BAG4: variants seen among roughly 807,000 people sequenced by gnomAD.
The protein encoded by BAG4 is BAG family molecular chaperone regulator 4.
BAG4 carries 28 observed loss-of-function variants against 52.1 expected under a neutral mutation model. That is an observed-to-expected ratio of 0.54 (90% CI 0.40 to 0.74). BAG4 has a LOEUF of 0.74. Ranked by LOEUF, BAG4 falls within the 30% of genes least tolerant of loss-of-function variation. The pLI is 0.00. For missense variants in BAG4, 525 were observed against 572.0 expected (o/e 0.92, Z 0.84); for synonymous variants, 208 against 217.0 (o/e 0.96, Z 0.37).
At chr8:38,182,371 C>A (rs1459288147) in intron 1 of BAG4, among the ~76,000 whole-genome samples, 1 of 152,044 alleles carries the variant, frequency 6.6e-6, no homozygotes, top group African/African-American at 2.4e-5. Flanking sequence ...TTTGCTTGGA[C>A]TGGGGTTTCA....
At chr8:38,200,466 G>T (rs1041050072) in intron 2 of BAG4, among the ~76,000 whole-genome samples, 6 of 152,172 alleles carry the variant, frequency 3.9e-5, no homozygotes, top group African/African-American at 7.2e-5. Context: ...TCTCTCCAAA[G>T]AGATGGACTC....
At chr8:38,185,044 G>A (rs950726147) in intron 1 of BAG4, among the ~76,000 whole-genome samples, 29 of 149,436 alleles carry the variant, frequency 1.9e-4, no homozygotes, top group Non-Finnish European at 3.8e-4. Context: ...AGCCGAGATC[G>A]CACCACTGCA....
intron 2 of BAG4, among the ~76,000 whole-genome samples, chr8:38,195,359 A>G (rs1803546622): frequency 6.6e-6 from 1 of 151,928 alleles, no homozygotes. Flanking sequence ...TCGCCATGTT[A>G]CCCAAGCTGG....
chr8:38,190,685 C>A (rs1037374621), intron 1 of BAG4, among the ~76,000 whole-genome samples: 12 of 151,188 alleles, frequency 7.9e-5, no homozygotes, highest in Admixed American at 7.9e-4. Flanking sequence ...CCCAAGCAAT[C>A]CTCTTGCCTC....
intron 2 of BAG4, among the ~76,000 whole-genome samples, chr8:38,206,405 G>C (rs968140430): frequency 6.6e-6 from 1 of 152,084 alleles, no homozygotes; most frequent in South Asian, 2.1e-4. Flanking sequence ...GTGTGGATAA[G>C]AGTCTGAATA....
At chr8:38,200,198 G>A (rs1315073964) in intron 2 of BAG4, among the ~76,000 whole-genome samples, 2 of 151,700 alleles carry the variant, frequency 1.3e-5, no homozygotes, top group Non-Finnish European at 2.9e-5. Flanking sequence ...GTAGAGACAG[G>A]GTTTTACCAT....
intron 2 of BAG4, 63 bp downstream of exon 2, chr8:38,192,858 C>G (rs1803498818): frequency 2.3e-6 from 3 of 1,326,286 alleles, no homozygotes; most frequent in South Asian, 1.3e-5. Flanking sequence ...TTTTCAAAAC[C>G]TGTGCAGATT....
At chr8:38,180,522 C>CAAAAAAAAAAAAAAAAAAAAAAAAAAA (rs1161178024) in intron 1 of BAG4, among the ~76,000 whole-genome samples, 3 of 26,492 alleles carry the variant, frequency 1.1e-4, no homozygotes, top group East Asian at 1.1e-3. Flanking sequence ...GACTCCGTCT[C>CAAAAAAAAAAAAAAAAAAAAAAAAAAA]AAAAAAAAAA....
In BAG4 at chr8:38,177,154, C is replaced by T; in HGVS notation, c.270+15C>T. ...GAAGCCACCAGGTAAGCTTTGCACCCTCTGTCCTTGCGGGGAGGTGAGGGC... is the reference window on the plus strand; with the variant it reads ...GAAGCCACCAGGTAAGCTTTGCACCTTCTGTCCTTGCGGGGAGGTGAGGGC... On this transcript the variant is annotated intron_variant, in intron 1 of 4. Coordinates refer to ENST00000287322, the MANE Select transcript of BAG4 (RefSeq NM_004874.4). 1.2e-6 allele frequency: 2 copies of T among 1,609,934 alleles called. No individual in the cohort carries two copies. The highest frequency in any genetic ancestry group is 1.1e-5 in the South Asian group (1 of 90,688).
intron 4 of BAG4, 158 bp downstream of exon 4, chr8:38,209,425 C>CTTTTTTT: frequency 2.2e-6 from 2 of 922,530 alleles, no homozygotes; most frequent in Non-Finnish European, 3.1e-6. Context: ...TTTCCTTTTT[C>CTTTTTTT]TTTTTTTTAA....
At chr8:38,196,382 G>A (rs577321220) in intron 2 of BAG4, among the ~76,000 whole-genome samples, 46 of 152,242 alleles carry the variant, frequency 3.0e-4, no homozygotes, top group African/African-American at 9.9e-4. Flanking sequence ...GGCCGGGCGC[G>A]GTGGCTCACG....
chr8:38,208,610 C>G (rs538603005), intron 3 of BAG4, among the ~76,000 whole-genome samples: 4 of 152,240 alleles, frequency 2.6e-5, no homozygotes, highest in Admixed American at 2.6e-4. Flanking sequence ...CGCGCCTGGC[C>G]AGGTTCATGT....
chr8:38,210,615 T>C lies in BAG4; in HGVS notation c.*122T>C, dbSNP rs941035021. On this transcript the variant is annotated 3_prime_UTR_variant, in exon 5 of 5. Coordinates refer to ENST00000287322, the MANE Select transcript of BAG4 (RefSeq NM_004874.4). Reference sequence around the variant, plus strand: ...GAAGCAATACATTCCAGCTTTCCTTTGATTTTATACTTGAAAAACTGGCAA... The same window carrying C: ...GAAGCAATACATTCCAGCTTTCCTTCGATTTTATACTTGAAAAACTGGCAA... The C allele has an allele frequency of 3.4e-5, 44 of 1,288,934 alleles. No homozygotes were observed. The highest frequency in any genetic ancestry group is 4.0e-5 in the Non-Finnish European group (39 of 963,104). 79.8% of individuals were successfully genotyped at this position (1,288,934 alleles called of 1,614,324 possible). A position where few individuals can be genotyped will look rare whatever the true frequency, so the allele number is the denominator to read the frequency against.
At position 38,177,143 on chromosome 8, in the gene BAG4, A is replaced by G. The variant is rs1210434909; in HGVS notation, c.270+4A>G. 1 of 1,612,332 alleles carries G rather than the reference A, an allele frequency of 6.2e-7. No homozygotes were observed. The highest frequency in any genetic ancestry group is 1.1e-5 in the South Asian group (1 of 90,932). ...TCGAGCCGGAGGAAGCCACCAGGTAAGCTTTGCACCCTCTGTCCTTGCGGG... is the reference window on the plus strand; with the variant it reads ...TCGAGCCGGAGGAAGCCACCAGGTAGGCTTTGCACCCTCTGTCCTTGCGGG... On this transcript the variant is annotated splice_donor_region_variant and intron_variant, in intron 1 of 4. Transcript: ENST00000287322.
At position 38,212,973 on chromosome 8, in the gene BAG4, T is replaced by C. The variant is rs1417875093; in HGVS notation, c.*2480T>C. The C allele has an allele frequency of 6.6e-6, 1 of 152,234 alleles. No homozygotes were observed. Among genetic ancestry groups the C allele is most frequent in the East Asian group, 1.9e-4 (1 of 5,206 alleles). The allele number at this position is 152,234 out of a possible 1,614,324, so 9.4% of individuals were successfully genotyped here. Reference sequence around the variant, plus strand: ...GGAAGAGTTGTCAGTTCTGGATTTATATTTTTAACTATAATAAGATATTCA... The same window carrying C: ...GGAAGAGTTGTCAGTTCTGGATTTACATTTTTAACTATAATAAGATATTCA... On this transcript the variant is annotated 3_prime_UTR_variant, in exon 5 of 5. Transcript: ENST00000287322.
chr8:38,210,696 G>A lies in BAG4; in HGVS notation c.*203G>A. The A allele has an allele frequency of 1.6e-6, 1 of 629,680 alleles. No homozygotes were observed. The highest frequency in any genetic ancestry group is 2.4e-6 in the Non-Finnish European group (1 of 413,488). The allele number at this position is 629,680 out of a possible 1,614,324, so 39.0% of individuals were successfully genotyped here. On this transcript the variant is annotated 3_prime_UTR_variant, in exon 5 of 5. Coordinates refer to ENST00000287322, the MANE Select transcript of BAG4 (RefSeq NM_004874.4). ...GTTTTCAGTTTTCAGACGAATGAAT[G>A]TAATAGGAAACTATGGAGTTACCAA...
chr8:38,208,997 C>A lies in BAG4; in HGVS notation c.634-16C>A. 6.2e-7 allele frequency: 1 copy of A among 1,601,516 alleles called. No individual in the cohort carries two copies. Among genetic ancestry groups the A allele is most frequent in the African/African-American group, 1.3e-5 (1 of 74,486 alleles). On this transcript the variant is annotated splice_polypyrimidine_tract_variant and intron_variant, in intron 3 of 4. Transcript: ENST00000287322. Reference sequence around the variant, plus strand: ...GTTTTTCACAATGACTGGTATATTTCTTCTTCTCAATCTAGAACCCTGGAA... The same window carrying A: ...GTTTTTCACAATGACTGGTATATTTATTCTTCTCAATCTAGAACCCTGGAA...
At chr8:38,209,539 A>G (rs1803833102) in intron 4 of BAG4, 3 of 478,200 alleles carry the variant, frequency 6.3e-6, no homozygotes, top group African/African-American at 2.0e-5. Flanking sequence ...GTTAAATGCA[A>G]AGATGCATTT....
intron 1 of BAG4, among the ~76,000 whole-genome samples, chr8:38,190,042 C>T (rs1237801681): frequency 2.0e-5 from 3 of 152,196 alleles, no homozygotes; most frequent in Non-Finnish European, 4.4e-5. Context: ...GCCTTGGCCT[C>T]CCAAAGTGCT....
Sources: gnomAD v4.1 joint callset for allele counts (sites outside exome capture counted in the v4.1 genomes callset) on GRCh38, gnomAD v4.1.1 for gene constraint, MANE v1.5 for transcripts, NCBI Gene and HGNC (gene_info 2026-07-23, HGNC 2026-07-21) for gene names.